Variants in FBXL20 observed in about 807,000 individuals in gnomAD.
FBXL20 encodes the protein F-box and leucine rich repeat protein 20.
In FBXL20, 11 loss-of-function variants were observed where a neutral mutation model predicts 64.0. The ratio of observed to expected loss-of-function variants is 0.17; its 90% CI spans 0.11 to 0.28. The LOEUF (loss-of-function observed/expected upper bound fraction) is 0.28, where lower values mean the gene tolerates loss of function less well. Ranked by LOEUF, FBXL20 falls within the 10% of genes least tolerant of loss-of-function variation. The probability of loss-of-function intolerance (pLI) is 1.00; values close to 1 mark genes in which losing one functional copy is unlikely to be tolerated. For missense variants in FBXL20, 303 were observed against 526.2 expected, an observed-to-expected ratio of 0.58 and a Z score of 4.15; for synonymous variants, 184 against 189.0, an observed-to-expected ratio of 0.97 and a Z score of 0.22.
chr17:39,378,514 C>G (rs577218322), intron 1 of FBXL20, among the ~76,000 whole-genome samples: 1 of 152,240 alleles, frequency 6.6e-6, no homozygotes, highest in South Asian at 2.1e-4. Context: ...ACAAAGCCAA[C>G]AGGCACACAA....
intron 1 of FBXL20, among the ~76,000 whole-genome samples, chr17:39,400,854 C>G (rs926369379): frequency 6.6e-6 from 1 of 152,200 alleles, no homozygotes; most frequent in African/African-American, 2.4e-5. Context: ...AAACACAGCA[C>G]CGAAAACCCG....
intron 1 of FBXL20, among the ~76,000 whole-genome samples, chr17:39,377,658 G>A (rs766079300): frequency 1.1e-4 from 16 of 151,890 alleles, no homozygotes; most frequent in Non-Finnish European, 1.6e-4. Flanking sequence ...CCACTACCAC[G>A]CCCGGCTAAT....
intron 2 of FBXL20, among the ~76,000 whole-genome samples, chr17:39,317,487 C>G (rs1218624180): frequency 6.6e-6 from 1 of 152,028 alleles, no homozygotes. Context: ...GTCTCTGCCT[C>G]CCAAAGTGCT....
At chr17:39,263,680 A>G (rs1050097427) in intron 14 of FBXL20, among the ~76,000 whole-genome samples, 6 of 152,220 alleles carry the variant, frequency 3.9e-5, no homozygotes, top group African/African-American at 7.2e-5. Context: ...CAACAGAGTG[A>G]GATCCCATCT....
chr17:39,367,759 T>TTA (rs754930078), intron 1 of FBXL20, among the ~76,000 whole-genome samples: 366 of 150,768 alleles, frequency 2.4e-3, no homozygotes, highest in South Asian at 7.5e-3. Flanking sequence ...GAAAGATTAT[T>TTA]TATATATATA....
At chr17:39,331,562 TATTG>T (rs1567883188) in intron 2 of FBXL20, among the ~76,000 whole-genome samples, 1 of 152,218 alleles carries the variant, frequency 6.6e-6, no homozygotes, top group Non-Finnish European at 1.5e-5. Context: ...TCTAGCTCTA[TATTG>T]ATTATTTCCA....
chr17:39,372,364 C>T (rs531132376), intron 1 of FBXL20, among the ~76,000 whole-genome samples: 1 of 150,988 alleles, frequency 6.6e-6, no homozygotes, highest in Non-Finnish European at 1.5e-5. Flanking sequence ...ACTTAAAATA[C>T]AGAAATTAGC....
chr17:39,308,836 A>AT (rs1338141057), intron 2 of FBXL20, among the ~76,000 whole-genome samples: 2 of 152,076 alleles, frequency 1.3e-5, no homozygotes, highest in Non-Finnish European at 2.9e-5. Context: ...AAGTGCTGGG[A>AT]TTACAGGAGT....
At chr17:39,385,926 A>G (rs570635049) in intron 1 of FBXL20, among the ~76,000 whole-genome samples, 7 of 148,136 alleles carry the variant, frequency 4.7e-5, no homozygotes, top group Non-Finnish European at 1.0e-4. Flanking sequence ...GCTACTCAGG[A>G]GGCTGAGGCA....
At chr17:39,289,723 G>A (rs2047020215) in intron 6 of FBXL20, among the ~76,000 whole-genome samples, 1 of 148,658 alleles carries the variant, frequency 6.7e-6, no homozygotes, top group Admixed American at 6.7e-5. Context: ...GGCCAGGAGT[G>A]GTGACTCACG....
intron 7 of FBXL20, 86 bp downstream of exon 7, chr17:39,285,392 C>T (rs552072979): frequency 2.4e-6 from 2 of 823,398 alleles, no homozygotes; most frequent in Non-Finnish European, 3.6e-6. Flanking sequence ...AACAGAGTTG[C>T]CTTCAATTCC....
chr17:39,281,155 G>T (rs937372493), intron 9 of FBXL20, among the ~76,000 whole-genome samples: 3 of 152,102 alleles, frequency 2.0e-5, no homozygotes, highest in Non-Finnish European at 2.9e-5. Context: ...TGGAGCTACA[G>T]TTAGTTCATC....
At chr17:39,378,711 G>A (rs549465634) in intron 1 of FBXL20, among the ~76,000 whole-genome samples, 8 of 151,494 alleles carry the variant, frequency 5.3e-5, no homozygotes, top group South Asian at 4.2e-4. Context: ...TTGGGTTCAC[G>A]CCATTCTCCT....
intron 1 of FBXL20, among the ~76,000 whole-genome samples, chr17:39,349,777 A>T (rs1368637451): frequency 6.6e-6 from 1 of 152,066 alleles, no homozygotes; most frequent in Non-Finnish European, 1.5e-5. Context: ...TCTACTAAAA[A>T]TACAAAAAAT....
intron 1 of FBXL20, among the ~76,000 whole-genome samples, chr17:39,344,383 C>T (rs1179011123): frequency 6.6e-6 from 1 of 151,810 alleles, no homozygotes; most frequent in African/African-American, 2.4e-5. Context: ...CTGCTCAGCT[C>T]ACATCACTAT....
chr17:39,296,333 G>A lies in FBXL20; in HGVS notation c.398+794C>T, dbSNP rs2047084954. Reference sequence around the variant, plus strand: ...CCCAGCACTTTGGGAGGCCGAAGTGGGCGGATCACGAGGTCAGGAGATCGA... The same window carrying A: ...CCCAGCACTTTGGGAGGCCGAAGTGAGCGGATCACGAGGTCAGGAGATCGA... On this transcript the variant is annotated intron_variant, in intron 6 of 14. Coordinates refer to ENST00000264658, the MANE Select transcript of FBXL20 (RefSeq NM_032875.3). Among the ~76,000 whole-genome samples, 3 of 151,980 alleles carry A rather than the reference G, an allele frequency of 2.0e-5. No homozygotes were observed. The South Asian group carries it at 6.2e-4, about 32-fold the overall frequency.
chr17:39,276,367 A>T (rs910719649), intron 9 of FBXL20, among the ~76,000 whole-genome samples: 1 of 148,552 alleles, frequency 6.7e-6, no homozygotes, highest in African/African-American at 2.5e-5. Flanking sequence ...AGGAAGAAGG[A>T]GGGAGGGAGG....
intron 2 of FBXL20, among the ~76,000 whole-genome samples, chr17:39,314,278 C>T (rs770004683): frequency 1.3e-5 from 2 of 152,124 alleles, no homozygotes; most frequent in South Asian, 2.1e-4. Context: ...CTTTTTATGG[C>T]GGAATAATAT....
intron 13 of FBXL20, 107 bp downstream of exon 13, chr17:39,265,290 T>C (rs868455213): frequency 3.8e-6 from 3 of 799,994 alleles, no homozygotes; most frequent in South Asian, 1.8e-5. Flanking sequence ...TGAAGAAGCA[T>C]CCTTTCCTAA....
Sources: gnomAD v4.1 joint callset for allele counts (sites outside exome capture counted in the v4.1 genomes callset) on GRCh38, gnomAD v4.1.1 for gene constraint, MANE v1.5 for transcripts, NCBI Gene and HGNC (gene_info 2026-07-23, HGNC 2026-07-21) for gene names.